OGFR: variants seen among roughly 807,000 people sequenced by gnomAD.
The protein encoded by OGFR is protein 7-60.
In OGFR, 18 loss-of-function variants were observed where a neutral mutation model predicts 33.6. The observed-to-expected ratio is 0.54, with a 90% CI of 0.37 to 0.80. The LOEUF is 0.80. OGFR is among the 30% of genes least tolerant of loss of function. The probability of loss-of-function intolerance (pLI) is 0.00; values close to 1 mark genes in which losing one functional copy is unlikely to be tolerated. For synonymous variants in OGFR, 370 were observed against 400.7 expected, an observed-to-expected ratio of 0.92 and a Z score of 0.91; for missense variants, 877 against 955.8, an observed-to-expected ratio of 0.92 and a Z score of 1.09.
At chr20:62,811,644 C>T (rs2075775) in intron 6 of OGFR, 34 bp downstream of exon 6, 59,284 of 1,526,562 alleles carry the variant, frequency 0.039, 2,741 homozygotes, top group East Asian at 0.29. Flanking sequence ...ACCCCCACCC[C>T]GGCGCAGAAC....
chr20:62,811,409 G>C lies in OGFR; in HGVS notation c.466-53G>C, dbSNP rs1990724585. On this transcript the variant is annotated intron_variant, in intron 5 of 6. Transcript: ENST00000290291. ...GGACCCACGGCCACCCCCACACTCA[G>C]GAACCGGGGCTTCAGGGATGGTGCC... 5 of 1,595,796 alleles carry C rather than the reference G, an allele frequency of 3.1e-6. No individual in the cohort carries two copies. In the Admixed American group the frequency reaches 8.7e-5, roughly 28 times the overall value.
intron 1 of OGFR, 135 bp downstream of exon 1, chr20:62,805,165 C>A (rs970359367): frequency 4.3e-5 from 26 of 602,872 alleles, no homozygotes; most frequent in African/African-American, 1.9e-4. Context: ...GGACCCCCCC[C>A]CAGACCGGCC....
Position 62,804,932 on chromosome 20 carries a change from T to G in OGFR, c.73T>G (p.Cys25Gly), listed in dbSNP as rs773789963. 24 of 1,494,516 alleles carry G rather than the reference T, an allele frequency of 1.6e-5. No homozygotes were observed. The African/African-American group carries it at 1.6e-4, about 10-fold the overall frequency. 92.6% of individuals were successfully genotyped at this position (1,494,516 alleles called of 1,614,324 possible). Residue 25 changes from cysteine to glycine, a missense_variant, in exon 1 of 7, where the codon TGC (cysteine) becomes GGC (glycine). Coordinates refer to ENST00000290291, the MANE Select transcript of OGFR (RefSeq NM_007346.4). ...EDAEDAEDED[C>G]EDGEAAGARD... ...TGCGGAGGACGCGGAGGACGAGGAC[T>G]GCGAGGACGGCGAGGCCGCCGGCGC... is the stretch of plus-strand genomic sequence containing the variant.
At chr20:62,808,054 G>A in intron 2 of OGFR, 193 bp from the exon 3 acceptor site, 1 of 651,876 alleles carries the variant, frequency 1.5e-6, no homozygotes, top group Non-Finnish European at 2.8e-6. Flanking sequence ...AATGGGGAAG[G>A]GGGGTCCCTG....
At position 62,812,663 on chromosome 20, in the gene OGFR, G is replaced by A. The variant is rs201992919; in HGVS notation, c.1048G>A (p.Val350Met). ...GGACGAGGGGCCCCAGCCACGGAGCGTGGAGCCCCAGGATGCGGGACCCCT... is the reference window on the plus strand; with the variant it reads ...GGACGAGGGGCCCCAGCCACGGAGCATGGAGCCCCAGGATGCGGGACCCCT... ...RVDEGPQPRS[V>M]EPQDAGPLER... The change falls in exon 7 of 7, where the codon GTG becomes ATG. Residue 350 changes from valine to methionine, a missense_variant. By Grantham distance (21) the Val-to-Met change is conservative. Coordinates refer to ENST00000290291, the MANE Select transcript of OGFR (RefSeq NM_007346.4). The A allele has an allele frequency of 2.9e-5, 45 of 1,565,536 alleles. No individual in the cohort carries two copies. Among genetic ancestry groups the A allele is most frequent in the Middle Eastern group, 1.7e-4 (1 of 5,982 alleles).
At chr20:62,812,173 G>T in intron 6 of OGFR, 57 bp from the exon 7 acceptor site, 2 of 1,417,076 alleles carry the variant, frequency 1.4e-6, no homozygotes, top group Middle Eastern at 1.9e-4. Flanking sequence ...AGGGCGGGGT[G>T]CGGCCCAGCA....
rs1376285081 is a variant in OGFR, at chr20:62,812,295, A to T, written c.680A>T (p.His227Leu). The T allele has an allele frequency of 1.3e-6, 2 of 1,544,782 alleles. No individual in the cohort carries two copies. The highest frequency in any genetic ancestry group is 1.7e-6 in the Non-Finnish European group (2 of 1,145,658). The change falls in exon 7 of 7, where the codon CAC becomes CTC. Residue 227 changes from histidine (H) to leucine (L), a missense_variant. Transcript: ENST00000290291. ...LKSLGELGLE[H>L]FQAPLVRFFL... is the part of the protein sequence containing the mutation. ...TCGCTGGGTGAGCTGGGCCTCGAGC[A>T]CTTCCAGGCGCCGCTGGTCCGCTTC... is the stretch of plus-strand genomic sequence containing the variant.
chr20:62,812,313 T>C lies in OGFR; in HGVS notation c.698T>C (p.Val233Ala), dbSNP rs750892972. Reference protein sequence around the residue: ...LGLEHFQAPLVRFFLEETLVR... With the variant: ...LGLEHFQAPLARFFLEETLVR... ...CTCGAGCACTTCCAGGCGCCGCTGGTCCGCTTCTTCCTGGAGGAGACGCTG... is the reference window on the plus strand; with the variant it reads ...CTCGAGCACTTCCAGGCGCCGCTGGCCCGCTTCTTCCTGGAGGAGACGCTG... The change falls in exon 7 of 7, where the codon GTC becomes GCC. Residue 233 changes from valine (V) to alanine (A), a missense_variant. Physicochemically the swap from Val to Ala is moderately conservative, Grantham distance 64. Coordinates refer to ENST00000290291, the MANE Select transcript of OGFR (RefSeq NM_007346.4). 6.4e-7 allele frequency: 1 copy of C among 1,556,752 alleles called. No individual in the cohort carries two copies. The highest frequency in any genetic ancestry group is 2.4e-5 in the East Asian group (1 of 41,452).
chr20:62,810,728 C>T (rs1211330194), intron 5 of OGFR, among the ~76,000 whole-genome samples, 163 bp downstream of exon 5: 1 of 152,254 alleles, frequency 6.6e-6, no homozygotes, highest in Non-Finnish European at 1.5e-5. Context: ...GATGACCTTC[C>T]CTCCCCAGTG....
Position 62,804,840 on chromosome 20 carries a change from G to T in OGFR, c.-20G>T, listed in dbSNP as rs1007595938. ...TCGGTTTCGCTTCCGCCTCCAGCGC[G>T]AGCCCCGCCGCCGCCGAGCATGGAC... is the stretch of plus-strand genomic sequence containing the variant. On this transcript the variant is annotated 5_prime_UTR_variant, in exon 1 of 7. Coordinates refer to ENST00000290291, the MANE Select transcript of OGFR (RefSeq NM_007346.4). 2.1e-4 allele frequency: 264 copies of T among 1,284,220 alleles called. No individual in the cohort carries two copies. Among genetic ancestry groups the T allele is most frequent in the Admixed American group, 1.2e-3 (34 of 28,406 alleles). 79.6% of individuals were successfully genotyped at this position (1,284,220 alleles called of 1,614,324 possible). A position where few individuals can be genotyped will look rare whatever the true frequency, so the allele number is the denominator to read the frequency against.
At chr20:62,811,798 G>A (rs1469784980) in intron 6 of OGFR, among the ~76,000 whole-genome samples, 188 bp downstream of exon 6, 2 of 152,206 alleles carry the variant, frequency 1.3e-5, no homozygotes, top group African/African-American at 4.8e-5. Flanking sequence ...GGGTTGGTGA[G>A]AAGGTAAAGA....
Position 62,813,585 on chromosome 20 carries a change from CG to C in OGFR, c.1975del (p.Glu659ArgfsTer55). ...CCTACAAGGGATGAGCCAGCCAAGGCGGGGGAGGCAGCAGAGTTGCAGGACG... is the reference window on the plus strand; with the variant it reads ...CCTACAAGGGATGAGCCAGCCAAGGCGGGGAGGCAGCAGAGTTGCAGGACG... ...AGPTRDEPAK[A>X]GEAAELQDAE... On this transcript the variant is annotated frameshift_variant, in exon 7 of 7. Coordinates refer to ENST00000290291, the MANE Select transcript of OGFR (RefSeq NM_007346.4). LOFTEE classifies it low-confidence loss of function (END_TRUNC). The C allele has an allele frequency of 1.2e-6, 2 of 1,612,712 alleles. No homozygotes were observed. The highest frequency in any genetic ancestry group is 1.7e-6 in the Non-Finnish European group (2 of 1,179,796).
chr20:62,804,998 G>A lies in OGFR; in HGVS notation c.139G>A (p.Glu47Lys), dbSNP rs1990550817. Residue 47 changes from glutamate to lysine, a missense_variant, in exon 1 of 7, where the codon GAG becomes AAG. Glu to Lys is a moderately conservative substitution (Grantham distance 56). This residue lies in a region of OGFR where 760 missense variants were observed against 736.0 expected (regional missense o/e 1.03). Coordinates refer to ENST00000290291, the MANE Select transcript of OGFR (RefSeq NM_007346.4). ...AGGGGACGAGGACGAGGAGTCGGAGGAGCCGCGGGCGGCGCGGCCCAGCTC... is the reference window on the plus strand; with the variant it reads ...AGGGGACGAGGACGAGGAGTCGGAGAAGCCGCGGGCGGCGCGGCCCAGCTC... The part of the protein sequence containing the change: ...DAGDEDEESE[E>K]PRAARPSSFQ... 1.4e-6 allele frequency: 2 copies of A among 1,468,798 alleles called. No homozygotes were observed. Among genetic ancestry groups the A allele is most frequent in the Non-Finnish European group, 1.8e-6 (2 of 1,112,724 alleles). The allele number at this position is 1,468,798 out of a possible 1,614,324, so 91.0% of individuals were successfully genotyped here. A position where few individuals can be genotyped will look rare whatever the true frequency, so the allele number is the denominator to read the frequency against.
At position 62,813,669 on chromosome 20, in the gene OGFR, C is replaced by T. The variant is rs183567702; in HGVS notation, c.*20C>T. 2.7e-5 allele frequency: 44 copies of T among 1,609,456 alleles called. No individual in the cohort carries two copies. The highest frequency in any genetic ancestry group is 1.7e-4 in the Middle Eastern group (1 of 6,036). The stretch of plus-strand genomic sequence containing the variant: ...CCTTAAGGAAAGGAGTGCCCGTCGG[C>T]GTCTTGGTCCTCCTGTCCCTGCTGC... On this transcript the variant is annotated 3_prime_UTR_variant, in exon 7 of 7. Transcript: ENST00000290291.
chr20:62,813,052 G>GGCCCTT lies in OGFR; in HGVS notation c.1441_1446dup (p.Leu481_Ala482dup). ...TGGCCAGTGGTGGTGCCCAGACCTTGGCCCTTGCCGGGTCCCCTGCCCCAT... is the reference window on the plus strand; with the variant it reads ...TGGCCAGTGGTGGTGCCCAGACCTTGGCCCTTGCCCTTGCCGGGTCCCCTGCCCCAT... On this transcript the variant is annotated inframe_insertion, in exon 7 of 7. Transcript: ENST00000290291. 1 of 1,585,434 alleles carries GGCCCTT rather than the reference G, an allele frequency of 6.3e-7. No individual in the cohort carries two copies.
chr20:62,808,412 G>T, intron 3 of OGFR, 87 bp downstream of exon 3: 2 of 994,038 alleles, frequency 2.0e-6, no homozygotes, highest in South Asian at 1.3e-5. Flanking sequence ...GGATGTACCC[G>T]GCGATTACCA....
In OGFR at chr20:62,810,495, G is replaced by A. The variant is rs543364005; in HGVS notation, c.399-4G>A. The A allele has an allele frequency of 9.3e-6, 15 of 1,613,138 alleles. No individual in the cohort carries two copies. The African/African-American group carries it at 1.3e-4, about 14-fold the overall frequency. On this transcript the variant is annotated splice_polypyrimidine_tract_variant and splice_region_variant and intron_variant, in intron 4 of 6. Transcript: ENST00000290291. Reference sequence around the variant, plus strand: ...CCCTTGCCTGAGCATCTCTTCTCCTGCAGGCTGTTTCCTCTGCGAGAACCA... The same window carrying A: ...CCCTTGCCTGAGCATCTCTTCTCCTACAGGCTGTTTCCTCTGCGAGAACCA...
chr20:62,807,614 C>T lies in OGFR; in HGVS notation c.240+9C>T, dbSNP rs748005981. 49 of 1,608,950 alleles carry T rather than the reference C, an allele frequency of 3.0e-5. No homozygotes were observed. Among genetic ancestry groups the T allele is most frequent in the Non-Finnish European group, 3.8e-5 (45 of 1,177,886 alleles). On this transcript the variant is annotated intron_variant, in intron 2 of 6. Coordinates refer to ENST00000290291, the MANE Select transcript of OGFR (RefSeq NM_007346.4). Reference sequence around the variant, plus strand: ...ATCGGCACAACTATCCGGTACGTACCTGCCCCTGCCCCGGGACACAGAACC... The same window carrying T: ...ATCGGCACAACTATCCGGTACGTACTTGCCCCTGCCCCGGGACACAGAACC...
chr20:62,810,404 G>A lies in OGFR; in HGVS notation c.399-95G>A, dbSNP rs542704778. 3.5e-5 allele frequency: 43 copies of A among 1,217,162 alleles called. No homozygotes were observed. The East Asian group carries it at 9.5e-4, about 27-fold the overall frequency. The allele number at this position is 1,217,162 out of a possible 1,614,324, so 75.4% of individuals were successfully genotyped here. ...TAGAGTTGAGCCTGGGAACCCAGAGGGGATTGGAACTGCCCCGGGCTACAC... is the reference window on the plus strand; with the variant it reads ...TAGAGTTGAGCCTGGGAACCCAGAGAGGATTGGAACTGCCCCGGGCTACAC... On this transcript the variant is annotated intron_variant, in intron 4 of 6. Transcript: ENST00000290291.
Sources: allele counts gnomAD v4.1 joint callset (sites outside exome capture counted in the v4.1 genomes callset), GRCh38; gene constraint gnomAD v4.1.1; regional missense constraint gnomAD v4.1.1; transcripts MANE v1.5; gene names NCBI Gene and HGNC (gene_info 2026-07-23, HGNC 2026-07-21).